The following KANSL1L variants were observed in gnomAD, a reference collection of about 807,000 sequenced individuals.
KANSL1L encodes the protein KAT8 regulatory NSL complex subunit 1 like, also known as KAT8 regulatory NSL complex subunit 1-like protein.
A neutral mutation model predicts 108.6 loss-of-function variants in KANSL1L; 25 were observed. That is an observed-to-expected ratio of 0.23 (90% CI 0.17 to 0.32). The LOEUF is 0.32. Ranked by LOEUF, KANSL1L falls within the 10% of genes least tolerant of loss-of-function variation. KANSL1L has a pLI of 1.00. For missense variants in KANSL1L, 1,137 were observed against 1,125.7 expected (o/e 1.01, Z -0.14); for synonymous variants, 405 against 395.1 (o/e 1.03, Z -0.30).
intron 5 of KANSL1L, chr2:210,079,666 G>GTGTGTATATATATATATA (rs1559539831): frequency 5.4e-5 from 1 of 18,426 alleles, no homozygotes; most frequent in Non-Finnish European, 8.9e-5. Flanking sequence ...ATATATATAT[G>GTGTGTATATATATATATA]TATGTGTGTA....
intron 4 of KANSL1L, among the ~76,000 whole-genome samples, chr2:210,103,690 A>G (rs1356681681): frequency 1.3e-5 from 2 of 152,182 alleles, no homozygotes; most frequent in Non-Finnish European, 2.9e-5. Flanking sequence ...ATCATTTTTT[A>G]TGAACAAATC....
intron 4 of KANSL1L, 49 bp downstream of exon 4, chr2:210,104,055 A>G: frequency 7.0e-7 from 1 of 1,431,450 alleles, no homozygotes; most frequent in Non-Finnish European, 9.9e-7. Flanking sequence ...AGTTTACAAA[A>G]TCAATGAAAA....
intron 6 of KANSL1L, among the ~76,000 whole-genome samples, chr2:210,059,474 T>G (rs545449278): frequency 6.6e-6 from 1 of 152,374 alleles, no homozygotes; most frequent in Admixed American, 6.5e-5. Context: ...CAATCCAGTA[T>G]GAAACCACTA....
intron 3 of KANSL1L, among the ~76,000 whole-genome samples, chr2:210,118,050 C>T (rs1259079935): frequency 6.6e-6 from 1 of 151,384 alleles, no homozygotes; most frequent in Non-Finnish European, 1.5e-5. Context: ...CCTGTAATCC[C>T]AGCTACTCAG....
At chr2:210,116,711 A>G (rs957040414) in intron 3 of KANSL1L, among the ~76,000 whole-genome samples, 3 of 152,224 alleles carry the variant, frequency 2.0e-5, no homozygotes, top group Non-Finnish European at 4.4e-5. Flanking sequence ...GCAGTGACCA[A>G]TGAATTAGAT....
chr2:210,036,866 C>T (rs2094110076), intron 8 of KANSL1L, among the ~76,000 whole-genome samples: 1 of 152,138 alleles, frequency 6.6e-6, no homozygotes, highest in African/African-American at 2.4e-5. Flanking sequence ...GGATGATCCT[C>T]CTGCCTCAGC....
chr2:210,094,693 T>C (rs147539198), intron 5 of KANSL1L, among the ~76,000 whole-genome samples: 14 of 152,142 alleles, frequency 9.2e-5, no homozygotes, highest in Non-Finnish European at 1.3e-4. Flanking sequence ...AACTAAAATT[T>C]GTAGAATTTC....
At chr2:210,171,743 G>GA (rs1688354980), upstream of KANSL1L, 1 of 151,970 alleles carries the variant, frequency 6.6e-6, no homozygotes, top group African/African-American at 2.4e-5. Context: ...AAACCCTGAG[G>GA]AAAAGTCAGG....
chr2:210,158,364 T>C (rs1219916883), intron 1 of KANSL1L, among the ~76,000 whole-genome samples: 4 of 152,196 alleles, frequency 2.6e-5, no homozygotes, highest in South Asian at 4.1e-4. Flanking sequence ...CTAACAGCCA[T>C]GTGAGTGATC....
intron 2 of KANSL1L, chr2:210,151,707 A>G (rs1220160257): frequency 6.6e-6 from 1 of 152,194 alleles, no homozygotes. Context: ...AGGGTTGTTG[A>G]AAGAATTAAA....
rs1276428655 is a variant in KANSL1L at position 210,079,644 on chromosome 2, A to ATGTGTG, written c.1551-3889_1551-3888insCACACA. The stretch of plus-strand genomic sequence containing the variant: ...TATATATATATATATATATATATAT[A>ATGTGTG]TATATATATATATATATATATGTAT... On this transcript the variant is annotated intron_variant, in intron 5 of 14. Transcript: ENST00000281772. Among the ~76,000 whole-genome samples the ATGTGTG allele has an allele frequency of 8.9e-4, 8 of 8,982 alleles. 1 individual carries two copies. The East Asian group carries it at 0.097, about 109-fold the overall frequency. The allele number at this position is 8,982 out of a possible 152,430, so 5.9% of individuals were successfully genotyped here.
At chr2:210,094,159 T>C (rs750784065) in intron 5 of KANSL1L, among the ~76,000 whole-genome samples, 6 of 152,182 alleles carry the variant, frequency 3.9e-5, no homozygotes, top group Non-Finnish European at 7.4e-5. Context: ...AACATTTTGA[T>C]TGTATTTAAT....
At position 210,033,686 on chromosome 2, in the gene KANSL1L, C is replaced by T. The variant is rs1279647368; in HGVS notation, c.2030-2140G>A. On this transcript the variant is annotated intron_variant, in intron 8 of 14. Transcript: ENST00000281772. Reference sequence around the variant, plus strand: ...CTGGGACTACAGGTGGCTGCCACCACGCCCGGCTATTTTTTTTTTTTTTTT... The same window carrying T: ...CTGGGACTACAGGTGGCTGCCACCATGCCCGGCTATTTTTTTTTTTTTTTT... 5.8e-5 allele frequency among the ~76,000 whole-genome samples: 8 copies of T among 137,952 alleles called. No individual in the cohort carries two copies. The East Asian group carries it at 1.4e-3, about 23-fold the overall frequency. The allele number at this position is 137,952 out of a possible 152,430, so 90.5% of individuals were successfully genotyped here.
At chr2:210,076,338 T>A (rs1189712874) in intron 5 of KANSL1L, among the ~76,000 whole-genome samples, 1 of 152,124 alleles carries the variant, frequency 6.6e-6, no homozygotes, top group East Asian at 1.9e-4. Flanking sequence ...CCTGCCATCA[T>A]GCCTGCTACC....
Position 210,153,581 on chromosome 2 carries a change from A to T in KANSL1L, c.1002T>A (p.His334Gln), listed in dbSNP as rs377316197. 4 of 1,613,980 alleles carry T rather than the reference A, an allele frequency of 2.5e-6. No individual in the cohort carries two copies. In the African/African-American group the frequency reaches 5.3e-5, roughly 22 times the overall value. The change falls in exon 2 of 15, where the codon CAT becomes CAA. Residue 334 changes from histidine to glutamine, a missense_variant. By Grantham distance (24) the His-to-Gln change is conservative. This residue lies in a region of KANSL1L where 556 missense variants were observed against 537.7 expected (regional missense o/e 1.03). Coordinates refer to ENST00000281772, the MANE Select transcript of KANSL1L (RefSeq NM_152519.4). ...CATCGGAATCCAAACCCTCTTCAAC[A>T]TGAGACAACAGCCCTGTAGCAGAAA... ...FAFSATGLLS[H>Q]VEEGLDSDAT...
intron 2 of KANSL1L, among the ~76,000 whole-genome samples, chr2:210,137,355 C>T (rs1559591882): frequency 1.3e-5 from 2 of 152,160 alleles, no homozygotes; most frequent in Non-Finnish European, 2.9e-5. Context: ...TTGAGAAAAG[C>T]TTGACCTTGA....
intron 3 of KANSL1L, among the ~76,000 whole-genome samples, chr2:210,105,878 G>A (rs1178195180): frequency 6.6e-6 from 1 of 151,858 alleles, no homozygotes; most frequent in Non-Finnish European, 1.5e-5. Context: ...ATGCTCAAAA[G>A]TTCTTATTTC....
At chr2:210,023,218 T>A in intron 14 of KANSL1L, 39 bp from the exon 15 acceptor site, 1 of 1,443,476 alleles carries the variant, frequency 6.9e-7, no homozygotes, top group Non-Finnish European at 9.7e-7. Context: ...TTCAACTAAC[T>A]TGTTTTGTTT....
intron 6 of KANSL1L, among the ~76,000 whole-genome samples, chr2:210,048,891 T>C (rs535655247): frequency 4.2e-4 from 64 of 152,298 alleles, no homozygotes; most frequent in Non-Finnish European, 7.1e-4. Flanking sequence ...CCAATTCTTA[T>C]CTTCAAAACA....
Sources: gnomAD v4.1 joint callset for allele counts (sites outside exome capture counted in the v4.1 genomes callset) on GRCh38, gnomAD v4.1.1 for gene constraint, gnomAD v4.1.1 regional missense constraint, MANE v1.5 for transcripts, NCBI Gene and HGNC (gene_info 2026-07-23, HGNC 2026-07-21) for gene names.